REDIC1: variants seen among roughly 807,000 people sequenced by gnomAD.
The protein encoded by REDIC1 is regulator of DNA class I crossover intermediates 1, also known as HEI10 Interacting Protein 1.
chr12:39,626,289 T>A, the REDIC1 span: 12 of 1,607,872 alleles, frequency 7.5e-6, no homozygotes, highest in East Asian at 1.8e-4. Context: ...AGAGCTGAGA[T>A]GTCTGAGCTC....
chr12:39,685,022 CATTT>C, the REDIC1 span: 1 of 793,232 alleles, frequency 1.3e-6, no homozygotes, highest in Non-Finnish European at 1.9e-6. Context: ...TTAAGCTTAA[CATTT>C]ATTCATTAAT....
the REDIC1 span, chr12:39,871,830 C>A: frequency 6.2e-7 from 1 of 1,610,936 alleles, no homozygotes; most frequent in Non-Finnish European, 8.5e-7. Flanking sequence ...CTTTCTGCGG[C>A]CCACCTTCTC....
At chr12:39,673,860 T>C in the REDIC1 span, among the ~76,000 whole-genome samples, 1 of 152,222 alleles carries the variant, frequency 6.6e-6, no homozygotes, top group Non-Finnish European at 1.5e-5. Flanking sequence ...TATTTGTCTA[T>C]TATCATCCTT....
chr12:39,843,437 G>A, the REDIC1 span, among the ~76,000 whole-genome samples: 1 of 152,018 alleles, frequency 6.6e-6, no homozygotes, highest in Non-Finnish European at 1.5e-5. Context: ...TTTGCAGAAA[G>A]AATAATAGGG....
the REDIC1 span, among the ~76,000 whole-genome samples, chr12:39,859,400 C>T: frequency 6.8e-6 from 1 of 146,486 alleles, no homozygotes; most frequent in South Asian, 2.2e-4. Context: ...ACTGGCATCA[C>T]CTGGGGAGCA....
chr12:39,746,320 A>G, the REDIC1 span, among the ~76,000 whole-genome samples: 5 of 152,212 alleles, frequency 3.3e-5, no homozygotes, highest in Non-Finnish European at 5.9e-5. Context: ...TCCCACGGCC[A>G]TGGAACCTCA....
the REDIC1 span, among the ~76,000 whole-genome samples, chr12:39,712,206 A>G: frequency 1.5e-3 from 15 of 9,872 alleles, no homozygotes; most frequent in Non-Finnish European, 2.7e-3. Context: ...ACATATATAC[A>G]TATGTATATA....
At chr12:39,638,614 G>GA in the REDIC1 span, among the ~76,000 whole-genome samples, 1 of 151,960 alleles carries the variant, frequency 6.6e-6, no homozygotes, top group African/African-American at 2.4e-5. Flanking sequence ...GCAAATAATT[G>GA]AGAGTGACTA....
the REDIC1 span, among the ~76,000 whole-genome samples, chr12:39,630,582 T>A: frequency 1.3e-4 from 20 of 152,170 alleles, no homozygotes; most frequent in African/African-American, 4.6e-4. Flanking sequence ...AAGAAAAGTA[T>A]GACTTGCCAT....
the REDIC1 span, among the ~76,000 whole-genome samples, chr12:39,847,005 C>A: frequency 6.6e-6 from 1 of 152,200 alleles, no homozygotes; most frequent in African/African-American, 2.4e-5. Context: ...GTTTCAAAGG[C>A]CAAGGAAACA....
At chr12:39,747,166 T>TA in the REDIC1 span, among the ~76,000 whole-genome samples, 2 of 152,132 alleles carry the variant, frequency 1.3e-5, no homozygotes, top group Admixed American at 1.3e-4. Flanking sequence ...ACAAATAAGC[T>TA]AAAAATCTTG....
the REDIC1 span, among the ~76,000 whole-genome samples, chr12:39,863,039 T>A: frequency 6.6e-6 from 1 of 152,182 alleles, no homozygotes; most frequent in Non-Finnish European, 1.5e-5. Context: ...CAAAGCCTAA[T>A]ATGTTACTCA....
At chr12:39,825,820 A>T in the REDIC1 span, among the ~76,000 whole-genome samples, 2 of 151,998 alleles carry the variant, frequency 1.3e-5, no homozygotes, top group African/African-American at 2.4e-5. Context: ...TCCTCTGCTA[A>T]CTCTACAGGC....
chr12:39,630,865 C>CAA, the REDIC1 span, among the ~76,000 whole-genome samples: 1 of 152,136 alleles, frequency 6.6e-6, no homozygotes, highest in Non-Finnish European at 1.5e-5. Context: ...AATACTTAAA[C>CAA]GTACAGTGAA....
the REDIC1 span, among the ~76,000 whole-genome samples, chr12:39,778,564 G>T: frequency 6.6e-6 from 1 of 152,028 alleles, no homozygotes; most frequent in Non-Finnish European, 1.5e-5. Flanking sequence ...TATTTATTTT[G>T]TGTTATTTTG....
chr12:39,647,243 A>T, the REDIC1 span, among the ~76,000 whole-genome samples: 8 of 152,050 alleles, frequency 5.3e-5, no homozygotes, highest in African/African-American at 1.4e-4. Flanking sequence ...TTTATATCAA[A>T]TTGTGATGTC....
At chr12:39,789,685 C>A in the REDIC1 span, among the ~76,000 whole-genome samples, 1 of 152,132 alleles carries the variant, frequency 6.6e-6, no homozygotes, top group African/African-American at 2.4e-5. Flanking sequence ...AGACAGAGAA[C>A]TCTATACTAC....
At chr12:39,708,038 G>A in the REDIC1 span, among the ~76,000 whole-genome samples, 4 of 151,840 alleles carry the variant, frequency 2.6e-5, no homozygotes, top group East Asian at 3.9e-4. Context: ...TGGGAGGGTG[G>A]TGATAGTTAA....
chr12:39,648,912 C>T, the REDIC1 span, among the ~76,000 whole-genome samples: 1 of 151,558 alleles, frequency 6.6e-6, no homozygotes, highest in African/African-American at 2.4e-5. Context: ...TGAAGTATTA[C>T]ATTCCTGTGA....
Sources: allele counts gnomAD v4.1 joint callset (sites outside exome capture counted in the v4.1 genomes callset), GRCh38; gene constraint gnomAD v4.1.1; transcripts MANE v1.5; gene names NCBI Gene and HGNC (gene_info 2026-07-23, HGNC 2026-07-21).